MUC17: variants seen among roughly 807,000 people sequenced by gnomAD.
The protein encoded by MUC17 is mucin 17, cell surface associated.
A neutral mutation model predicts 170.3 loss-of-function variants in MUC17; 190 were observed. The observed-to-expected ratio is 1.12, with a 90% CI of 0.99 to 1.26. The LOEUF (loss-of-function observed/expected upper bound fraction) is 1.26, where lower values mean the gene tolerates loss of function less well. Among genes scored for constraint, MUC17 ranks in the 50% most tolerant of loss-of-function variants. MUC17 has a pLI of 0.00. For synonymous variants in MUC17, 2,325 were observed against 2,002.5 expected (o/e 1.16, Z -4.30); for missense variants, 6,415 against 5,530.0 (o/e 1.16, Z -5.08).
rs762599323 is a variant in MUC17, at chr7:101,037,807, A to C, written c.6391A>C (p.Ser2131Arg). The C allele has an allele frequency of 3.1e-6, 5 of 1,613,308 alleles. No individual in the cohort carries two copies. Among genetic ancestry groups the C allele is most frequent in the Non-Finnish European group, 4.2e-6 (5 of 1,179,482 alleles). The change falls in exon 3 of 13, where the codon AGT becomes CGT. Residue 2131 changes from serine (S) to arginine (R), a missense_variant. Coordinates refer to ENST00000306151, the MANE Select transcript of MUC17 (RefSeq NM_001040105.2). ...TTCAACAACTCCTGTTGACTCCAAC[A>C]GTCCTGTGATCACTTCTACTGAAGT... ...TLSTTPVDSN[S>R]PVITSTEVSS...
chr7:101,055,193 CA>C (rs1299274393), intron 11 of MUC17, among the ~76,000 whole-genome samples: 1 of 151,302 alleles, frequency 6.6e-6, no homozygotes, highest in African/African-American at 2.4e-5. Context: ...GGACGTAATG[CA>C]AATATATCAC....
Position 101,041,876 on chromosome 7 carries a change from C to T in MUC17, c.10460C>T (p.Thr3487Ile), listed in dbSNP as rs751411349. 48 of 1,614,028 alleles carry T rather than the reference C, an allele frequency of 3.0e-5. No homozygotes were observed. The highest frequency in any genetic ancestry group is 2.2e-4 in the East Asian group (10 of 44,896). Residue 3487 changes from threonine (T) to isoleucine (I), a missense_variant, in exon 3 of 13, where the codon ACA (threonine) becomes ATA (isoleucine). By Grantham distance (89) the Thr-to-Ile change is moderately conservative. Coordinates refer to ENST00000306151, the MANE Select transcript of MUC17 (RefSeq NM_001040105.2). ...TCAACAACTCCTGTTGACACCAGCA[C>T]ACCTGTGACCACTTCTTCTCCAACC... Reference protein sequence around the residue: ...TLSTTPVDTSTPVTTSSPTNS... With the variant: ...TLSTTPVDTSIPVTTSSPTNS...
intron 9 of MUC17, among the ~76,000 whole-genome samples, chr7:101,052,668 C>T (rs537609285): frequency 2.6e-5 from 4 of 152,064 alleles, no homozygotes; most frequent in Non-Finnish European, 4.4e-5. Context: ...TGGGTGGATG[C>T]AAGATCACTG....
chr7:101,022,402 G>C (rs1794107982), intron 1 of MUC17, among the ~76,000 whole-genome samples: 1 of 152,170 alleles, frequency 6.6e-6, no homozygotes, highest in Non-Finnish European at 1.5e-5. Flanking sequence ...CGGAATCTCA[G>C]GTGATCCACC....
At chr7:101,054,692 T>C (rs777752406) in intron 11 of MUC17, among the ~76,000 whole-genome samples, 3 of 152,204 alleles carry the variant, frequency 2.0e-5, no homozygotes, top group Non-Finnish European at 4.4e-5. Context: ...CAGTGGTGCA[T>C]GCCTGTAATC....
chr7:101,048,765 CT>C, intron 4 of MUC17, 79 bp from the exon 5 acceptor site: 1 of 1,535,562 alleles, frequency 6.5e-7, no homozygotes, highest in Non-Finnish European at 8.9e-7. Context: ...ATGGAGCTCA[CT>C]CCCTCCACCC....
At position 101,036,802 on chromosome 7, in the gene MUC17, AC is replaced by A; in HGVS notation, c.5388del (p.Ser1797AlafsTer11). 6.2e-7 allele frequency: 1 copy of A among 1,605,616 alleles called. No individual in the cohort carries two copies. Among genetic ancestry groups the A allele is most frequent in the South Asian group, 1.1e-5 (1 of 89,718 alleles). On this transcript the variant is annotated frameshift_variant, in exon 3 of 13. Coordinates refer to ENST00000306151, the MANE Select transcript of MUC17 (RefSeq NM_001040105.2). LOFTEE classifies it high-confidence loss of function. Reference protein sequence around the residue: ...ATSSPTTAEGTSIPTSTLSEG... With the variant: ...ATSSPTTAEGXSIPTSTLSEG... ...TTCGTCTCCTACAACTGCTGAAGGT[AC>A]CAGCATACCAACCTCGACTCTTAGT...
rs541535989 is a variant in MUC17, at chr7:101,040,418, G to C, written c.9002G>C (p.Ser3001Thr). The change falls in exon 3 of 13, where the codon AGT becomes ACT. Residue 3001 changes from serine to threonine, a missense_variant. Transcript: ENST00000306151. Reference protein sequence around the residue: ...SMSVSTMPVASSEASTLSRTP... With the variant: ...SMSVSTMPVATSEASTLSRTP... ...TCTGTCAGCACCATGCCGGTGGCCA[G>C]TTCTGAGGCTAGCACCCTTTCAAGA... is the stretch of plus-strand genomic sequence containing the variant. The C allele has an allele frequency of 6.2e-7, 1 of 1,611,444 alleles. No homozygotes were observed. Among genetic ancestry groups the C allele is most frequent in the East Asian group, 2.2e-5 (1 of 44,708 alleles).
At chr7:101,047,095 AAAATAAAT>A (rs57775219) in intron 3 of MUC17, among the ~76,000 whole-genome samples, 1,764 of 146,936 alleles carry the variant, frequency 0.012, 37 homozygotes, top group African/African-American at 0.041. Context: ...AAAAAAAATT[AAAATAAAT>A]AAATAAATAA....
At position 101,035,958 on chromosome 7, in the gene MUC17, T is replaced by A; in HGVS notation, c.4542T>A (p.Thr1514=). Residue 1514 remains threonine (T), a synonymous_variant, in exon 3 of 13, where the codon ACT becomes ACA. Transcript: ENST00000306151. ...IAISTPSEGS[T]ALTSIPVSTT... ...TCTCAACGCCTAGTGAAGGAAGCAC[T>A]GCATTAACAAGTATACCTGTCAGCA... The A allele has an allele frequency of 6.2e-7, 1 of 1,612,860 alleles. No individual in the cohort carries two copies.
At position 101,032,717 on chromosome 7, in the gene MUC17, C is replaced by G. The variant is rs930124418; in HGVS notation, c.1301C>G (p.Pro434Arg). ...VTTASEASSS[P>R]TTAEDTSIAT... ...ACTGCTAGTGAAGCCAGCTCATCTCCCACAACTGCTGAAGATACCAGCATT... is the reference window on the plus strand; with the variant it reads ...ACTGCTAGTGAAGCCAGCTCATCTCGCACAACTGCTGAAGATACCAGCATT... Residue 434 changes from proline (P) to arginine (R), a missense_variant, in exon 3 of 13, where the codon CCC (proline) becomes CGC (arginine). Coordinates refer to ENST00000306151, the MANE Select transcript of MUC17 (RefSeq NM_001040105.2). 7 of 1,577,690 alleles carry G rather than the reference C, an allele frequency of 4.4e-6. No homozygotes were observed. The highest frequency in any genetic ancestry group is 6.1e-6 in the Non-Finnish European group (7 of 1,155,102).
At position 101,058,764 on chromosome 7, in the gene MUC17, G is replaced by GT. The variant is rs1187731802; in HGVS notation, c.*722dup. 3 of 152,014 alleles carry GT rather than the reference G, an allele frequency of 2.0e-5. No individual in the cohort carries two copies. Among genetic ancestry groups the GT allele is most frequent in the Non-Finnish European group, 4.4e-5 (3 of 67,998 alleles). The allele number at this position is 152,014 out of a possible 1,614,324, so 9.4% of individuals were successfully genotyped here. A position where few individuals can be genotyped will look rare whatever the true frequency, so the allele number is the denominator to read the frequency against. ...ATATAAGATTGTGGGTATTTTTTAA[G>GT]TTCTTATTGTTATGAGTTCTGATTT... On this transcript the variant is annotated 3_prime_UTR_variant, in exon 13 of 13. Coordinates refer to ENST00000306151, the MANE Select transcript of MUC17 (RefSeq NM_001040105.2).
At position 101,032,234 on chromosome 7, in the gene MUC17, G is replaced by A; in HGVS notation, c.818G>A (p.Gly273Glu). Residue 273 changes from glycine (G) to glutamate (E), a missense_variant, in exon 3 of 13, where the codon GGA becomes GAA. By Grantham distance (98) the Gly-to-Glu change is moderately conservative. Coordinates refer to ENST00000306151, the MANE Select transcript of MUC17 (RefSeq NM_001040105.2). ...CTGTCAAACTCAGCTCCTAGTGGAG[G>A]AAGCACTCCATTAACAAGAATGCCT... ...PSLSNSAPSG[G>E]STPLTRMPLS... The A allele has an allele frequency of 6.2e-7, 1 of 1,614,110 alleles. No homozygotes were observed. Among genetic ancestry groups the A allele is most frequent in the Non-Finnish European group, 8.5e-7 (1 of 1,179,986 alleles).
intron 1 of MUC17, among the ~76,000 whole-genome samples, chr7:101,029,907 G>A (rs13245760): frequency 0.13 from 19,515 of 151,084 alleles, 1,444 homozygotes; most frequent in African/African-American, 0.18. Flanking sequence ...CCTCTTTTAG[G>A]TTTTTTTTTA....
In MUC17 at chr7:101,054,057, CAAAAAAAAAAAAAAAAAAAA is replaced by C. The variant is rs58623975; in HGVS notation, c.13363+637_13363+656del. Among the ~76,000 whole-genome samples, 52 of 40,384 alleles carry C rather than the reference CAAAAAAAAAAAAAAAAAAAA, an allele frequency of 1.3e-3. No homozygotes were observed. The East Asian group carries it at 0.021, about 17-fold the overall frequency. The allele number at this position is 40,384 out of a possible 152,430, so 26.5% of individuals were successfully genotyped here. A position where few individuals can be genotyped will look rare whatever the true frequency, so the allele number is the denominator to read the frequency against. On this transcript the variant is annotated intron_variant, in intron 11 of 12. Transcript: ENST00000306151. ...CCTGGGCAACAGAACAAGACCCTGT[CAAAAAAAAAAAAAAAAAAAA>C]AAAAAAAAAAAAAAAGAGTACATAG...
Position 101,039,256 on chromosome 7 carries a change from TCTC to T in MUC17, c.7843_7845del (p.Pro2615del), listed in dbSNP as rs1794602518. Reference sequence around the variant, plus strand: ...CACCACTTCTACTGAAACCAGTTCATCTCCTACAACTGCAAAAGATACCAGCAT... The same window carrying T: ...CACCACTTCTACTGAAACCAGTTCATCTACAACTGCAAAAGATACCAGCAT... On this transcript the variant is annotated inframe_deletion, in exon 3 of 13. Coordinates refer to ENST00000306151, the MANE Select transcript of MUC17 (RefSeq NM_001040105.2). The T allele has an allele frequency of 6.2e-7, 1 of 1,613,044 alleles. No individual in the cohort carries two copies. The highest frequency in any genetic ancestry group is 1.3e-5 in the African/African-American group (1 of 74,692).
chr7:101,037,998 T>A lies in MUC17; in HGVS notation c.6582T>A (p.Asn2194Lys). 6.2e-7 allele frequency: 1 copy of A among 1,608,074 alleles called. No homozygotes were observed. Among genetic ancestry groups the A allele is most frequent in the East Asian group, 2.2e-5 (1 of 44,558 alleles). The change falls in exon 3 of 13, where the codon AAT becomes AAA. Residue 2194 changes from asparagine to lysine, a missense_variant. Physicochemically the swap from Asn to Lys is moderately conservative, Grantham distance 94. Coordinates refer to ENST00000306151, the MANE Select transcript of MUC17 (RefSeq NM_001040105.2). Reference protein sequence around the residue: ...TPVDTSTPVTNSTEARSSPTT... With the variant: ...TPVDTSTPVTKSTEARSSPTT... Reference sequence around the variant, plus strand: ...TTGACACCAGCACACCTGTGACCAATTCTACTGAAGCCCGTTCATCTCCTA... The same window carrying A: ...TTGACACCAGCACACCTGTGACCAAATCTACTGAAGCCCGTTCATCTCCTA...
At chr7:101,030,230 C>CT (rs57980303) in intron 1 of MUC17, among the ~76,000 whole-genome samples, 54,334 of 136,048 alleles carry the variant, frequency 0.4, 11,780 homozygotes, top group East Asian at 0.53. Context: ...ACAATGTTGG[C>CT]TTTTTTTTTT....
Position 101,041,612 on chromosome 7 carries a change from C to G in MUC17, c.10196C>G (p.Thr3399Ser). The G allele has an allele frequency of 6.2e-7, 1 of 1,613,970 alleles. No individual in the cohort carries two copies. The highest frequency in any genetic ancestry group is 8.5e-7 in the Non-Finnish European group (1 of 1,179,934). The change falls in exon 3 of 13, where the codon ACT becomes AGT. Residue 3399 changes from threonine (T) to serine (S), a missense_variant. Thr to Ser is a moderately conservative substitution (Grantham distance 58). Transcript: ENST00000306151. ...ACCTCAAGTCCTAGTGAAGGAACCACTCCATTAGCAAGTATGCCTGTCAGC... is the reference window on the plus strand; with the variant it reads ...ACCTCAAGTCCTAGTGAAGGAACCAGTCCATTAGCAAGTATGCCTGTCAGC... ...IPTSSPSEGT[T>S]PLASMPVSTT...
Sources: allele counts gnomAD v4.1 joint callset (sites outside exome capture counted in the v4.1 genomes callset), GRCh38; gene constraint gnomAD v4.1.1; transcripts MANE v1.5; gene names NCBI Gene and HGNC (gene_info 2026-07-23, HGNC 2026-07-21).